Variants in RUFY2 observed in about 807,000 individuals in gnomAD.
RUFY2 encodes the protein RUN and FYVE domain containing 2.
In RUFY2, 49 loss-of-function variants were observed where a neutral mutation model predicts 94.4. That is an observed-to-expected ratio of 0.52 (90% confidence interval 0.41 to 0.66). RUFY2 has a LOEUF of 0.66. Ranked by LOEUF, RUFY2 falls within the 30% of genes least tolerant of loss-of-function variation. RUFY2 has a pLI of 0.00. For synonymous variants in RUFY2, 255 were observed against 235.7 expected (o/e 1.08, Z -0.75); for missense variants, 541 against 692.8 (o/e 0.78, Z 2.46).
intron 13 of RUFY2, among the ~76,000 whole-genome samples, chr10:68,364,871 G>T (rs2047694679): frequency 6.6e-6 from 1 of 151,402 alleles, no homozygotes; most frequent in African/African-American, 2.4e-5. Context: ...ATTCTAACAG[G>T]TGCTAGCTGG....
chr10:68,404,156 TAAC>T (rs1423531254), intron 2 of RUFY2, among the ~76,000 whole-genome samples: 2 of 152,242 alleles, frequency 1.3e-5, no homozygotes, highest in Admixed American at 1.3e-4. Context: ...ATTTTATATG[TAAC>T]AATAATTCAA....
At chr10:68,369,485 A>AAAAAAAAAAAC (rs2048100035) in intron 13 of RUFY2, among the ~76,000 whole-genome samples, 1 of 832 alleles carries the variant, frequency 1.2e-3, no homozygotes, top group East Asian at 0.036. Context: ...ACCTTGTCTC[A>AAAAAAAAAAAC]AAAAAAAAAA....
chr10:68,391,160 T>A (rs940869581), intron 7 of RUFY2, among the ~76,000 whole-genome samples: 2 of 151,874 alleles, frequency 1.3e-5, no homozygotes, highest in African/African-American at 4.8e-5. Flanking sequence ...GGTCTCGAAC[T>A]CCTGATCTCA....
In RUFY2 at chr10:68,394,470, T is replaced by C. The variant is rs2050228586; in HGVS notation, c.399-19A>G. 7 of 1,563,704 alleles carry C rather than the reference T, an allele frequency of 4.5e-6. No individual in the cohort carries two copies. The highest frequency in any genetic ancestry group is 6.2e-6 in the Non-Finnish European group (7 of 1,135,450). On this transcript the variant is annotated intron_variant, in intron 4 of 17. Coordinates refer to ENST00000602465, the MANE Select transcript of RUFY2 (RefSeq NM_001330103.2). ...AAACTCACTGTGAAAATTTAAAAAA[T>C]AAGGACTTTAAATCACAAATTTATT...
At chr10:68,396,949 G>T (rs2050437680) in intron 3 of RUFY2, 68 bp from the exon 4 acceptor site, 1 of 1,014,078 alleles carries the variant, frequency 9.9e-7, no homozygotes, top group Non-Finnish European at 1.5e-6. Context: ...GTCTCTAGAG[G>T]TAAACATTAA....
chr10:68,391,055 C>T (rs550972703), intron 7 of RUFY2, among the ~76,000 whole-genome samples: 11 of 151,976 alleles, frequency 7.2e-5, no homozygotes, highest in African/African-American at 2.7e-4. Flanking sequence ...CTGCCTCAGC[C>T]TCCCGAGTAG....
At chr10:68,354,460 A>C (rs1205480699) in intron 16 of RUFY2, among the ~76,000 whole-genome samples, 1 of 152,100 alleles carries the variant, frequency 6.6e-6, no homozygotes, top group African/African-American at 2.4e-5. Context: ...CACCACACCC[A>C]GTATCATGTA....
At chr10:68,377,038 A>C (rs1564817300) in intron 12 of RUFY2, 66 bp from the exon 13 acceptor site, 1 of 1,580,164 alleles carries the variant, frequency 6.3e-7, no homozygotes, top group East Asian at 2.2e-5. Context: ...AGGGTGAAGA[A>C]GACAAATAAA....
At chr10:68,392,463 CAGA>C (rs959769477) in intron 7 of RUFY2, among the ~76,000 whole-genome samples, 1 of 152,154 alleles carries the variant, frequency 6.6e-6, no homozygotes, top group African/African-American at 2.4e-5. Flanking sequence ...ATTTCCACCA[CAGA>C]AGATGACAGA....
chr10:68,407,041 G>C (rs1443810233), intron 1 of RUFY2, 145 bp downstream of exon 1: 6 of 1,478,540 alleles, frequency 4.1e-6, no homozygotes, highest in Middle Eastern at 2.0e-4. Flanking sequence ...CCGAGTCCCA[G>C]GCAGTCCCCG....
At chr10:68,367,515 C>T (rs1379444338) in intron 13 of RUFY2, among the ~76,000 whole-genome samples, 1 of 152,164 alleles carries the variant, frequency 6.6e-6, no homozygotes, top group African/African-American at 2.4e-5. Flanking sequence ...AGTTTAGTGG[C>T]ACAATCACAG....
chr10:68,380,330 G>C (rs1396804143), intron 11 of RUFY2, among the ~76,000 whole-genome samples: 1 of 151,666 alleles, frequency 6.6e-6, no homozygotes, highest in African/African-American at 2.4e-5. Context: ...GCCAAGGTGG[G>C]AGGATCGCTT....
rs549031470 is a variant in RUFY2, at chr10:68,353,085, C to A, written c.1599+2268G>T. Among the ~76,000 whole-genome samples the A allele has an allele frequency of 5.8e-4, 89 of 152,222 alleles. 1 individual carries two copies. The highest frequency in any genetic ancestry group is 2.1e-3 in the African/African-American group (86 of 41,532). On this transcript the variant is annotated intron_variant, in intron 16 of 17. Transcript: ENST00000602465. ...CAGTGGCTCACACCTGTAAGCCCAGCACTTTGGGAGGCCGAGGCAGGTGCA... is the reference window on the plus strand; with the variant it reads ...CAGTGGCTCACACCTGTAAGCCCAGAACTTTGGGAGGCCGAGGCAGGTGCA...
At chr10:68,363,195 T>A (rs935051031) in intron 15 of RUFY2, among the ~76,000 whole-genome samples, 1 of 152,160 alleles carries the variant, frequency 6.6e-6, no homozygotes, top group Non-Finnish European at 1.5e-5. Flanking sequence ...AGTTTGTATC[T>A]TTCTCCTTTT....
chr10:68,361,839 T>A (rs2047480676), intron 15 of RUFY2, among the ~76,000 whole-genome samples: 1 of 152,344 alleles, frequency 6.6e-6, no homozygotes, highest in South Asian at 2.1e-4. Flanking sequence ...AATGACAAGA[T>A]GTTTACACAT....
intron 15 of RUFY2, among the ~76,000 whole-genome samples, chr10:68,357,783 T>C (rs2047164561): frequency 6.6e-6 from 1 of 152,188 alleles, no homozygotes; most frequent in Non-Finnish European, 1.5e-5. Flanking sequence ...TTATAGTAAA[T>C]GGTCACTTGG....
At chr10:68,373,140 T>C (rs962232996) in intron 13 of RUFY2, among the ~76,000 whole-genome samples, 2 of 152,108 alleles carry the variant, frequency 1.3e-5, no homozygotes, top group African/African-American at 4.8e-5. Context: ...TAAATAGAGG[T>C]AAGGTTTTCA....
At chr10:68,378,482 C>G (rs938365386) in intron 12 of RUFY2, 18 of 1,364,168 alleles carry the variant, frequency 1.3e-5, no homozygotes, top group Admixed American at 3.3e-5. Context: ...TATTTAATAG[C>G]ATTTAGATTC....
chr10:68,359,048 G>A (rs1017497360), intron 15 of RUFY2, among the ~76,000 whole-genome samples: 3 of 151,986 alleles, frequency 2.0e-5, no homozygotes, highest in Non-Finnish European at 2.9e-5. Context: ...CTAAAGAAAG[G>A]AGCATCGGTT....
Sources: allele counts gnomAD v4.1 joint callset (sites outside exome capture counted in the v4.1 genomes callset), GRCh38; gene constraint gnomAD v4.1.1; transcripts MANE v1.5; gene names NCBI Gene and HGNC (gene_info 2026-07-23, HGNC 2026-07-21).